The following MMS22L variants were observed in gnomAD, a reference collection of about 807,000 sequenced individuals.
MMS22L encodes protein MMS22-like.
In MMS22L, 74 loss-of-function variants were observed where a neutral mutation model predicts 159.1. That is an observed-to-expected ratio of 0.47 (90% CI 0.39 to 0.56). MMS22L has a LOEUF of 0.56. Ranked by LOEUF, MMS22L falls within the 20% of genes least tolerant of loss-of-function variation. The probability of loss-of-function intolerance (pLI) is 0.00; values close to 1 mark genes in which losing one functional copy is unlikely to be tolerated. For synonymous variants in MMS22L, 517 were observed against 506.9 expected, an observed-to-expected ratio of 1.02 and a Z score of -0.27; for missense variants, 1,351 against 1,422.1, an observed-to-expected ratio of 0.95 and a Z score of 0.80.
intron 9 of MMS22L, among the ~76,000 whole-genome samples, chr6:97,256,461 C>A (rs1813821068): frequency 2.0e-5 from 3 of 152,148 alleles, no homozygotes; most frequent in Non-Finnish European, 4.4e-5. Context: ...CATCACCATT[C>A]TTCTGCCTAA....
chr6:97,271,584 A>T (rs1469854010), intron 6 of MMS22L: 1 of 152,242 alleles, frequency 6.6e-6, no homozygotes, highest in Non-Finnish European at 1.5e-5. Context: ...AAATTCAGTT[A>T]GAACTTTGCT....
At chr6:97,157,354 T>C (rs745551535) in intron 22 of MMS22L, among the ~76,000 whole-genome samples, 11 of 152,158 alleles carry the variant, frequency 7.2e-5, no homozygotes, top group African/African-American at 9.7e-5. Context: ...TCCAACACTA[T>C]GTTGAAGAGG....
intron 24 of MMS22L, among the ~76,000 whole-genome samples, chr6:97,148,153 C>A (rs1406432821): frequency 6.6e-6 from 1 of 152,024 alleles, no homozygotes; most frequent in Non-Finnish European, 1.5e-5. Flanking sequence ...TAGTGTAATG[C>A]CTTACTCGTG....
intron 11 of MMS22L, among the ~76,000 whole-genome samples, chr6:97,241,976 T>C (rs944582996): frequency 1.3e-5 from 2 of 152,234 alleles, no homozygotes; most frequent in East Asian, 1.9e-4. Context: ...GAGTACTTGA[T>C]ATAATTTCAA....
chr6:97,214,552 C>T (rs1269627227), intron 14 of MMS22L, among the ~76,000 whole-genome samples: 1 of 152,060 alleles, frequency 6.6e-6, no homozygotes, highest in African/African-American at 2.4e-5. Flanking sequence ...TTAAAAAATC[C>T]ATCTACATTT....
At chr6:97,236,902 A>C in intron 11 of MMS22L, among the ~76,000 whole-genome samples, 1 of 151,864 alleles carries the variant, frequency 6.6e-6, no homozygotes, top group Non-Finnish European at 1.5e-5. Context: ...AGTGAGCCGA[A>C]ATAGCGCTAC....
chr6:97,158,517 T>C (rs1802091782), intron 22 of MMS22L, among the ~76,000 whole-genome samples: 1 of 152,210 alleles, frequency 6.6e-6, no homozygotes, highest in Non-Finnish European at 1.5e-5. Flanking sequence ...TATATCTTTG[T>C]TCTCACTGGT....
At chr6:97,201,114 A>T (rs539343257) in intron 14 of MMS22L, among the ~76,000 whole-genome samples, 1 of 152,292 alleles carries the variant, frequency 6.6e-6, no homozygotes, top group South Asian at 2.1e-4. Flanking sequence ...CCAAAATGTA[A>T]ACCTGCTTTC....
intron 14 of MMS22L, among the ~76,000 whole-genome samples, chr6:97,189,551 CAAAAAAAAAAAAAAAAAAA>C (rs67620002): frequency 3.6e-5 from 2 of 55,224 alleles, no homozygotes; most frequent in African/African-American, 1.5e-4. Context: ...ACTCTGTCTC[CAAAAAAAAAAAAAAAAAAA>C]AAAAAAAAAG....
chr6:97,251,899 C>G (rs1269197670), intron 10 of MMS22L, among the ~76,000 whole-genome samples: 1 of 151,968 alleles, frequency 6.6e-6, no homozygotes, highest in Non-Finnish European at 1.5e-5. Context: ...CTGTCTAACA[C>G]AGTGAAACCC....
At chr6:97,197,666 T>A (rs562481649) in intron 14 of MMS22L, among the ~76,000 whole-genome samples, 3 of 152,158 alleles carry the variant, frequency 2.0e-5, no homozygotes. Flanking sequence ...CAAAATGTTA[T>A]GTATTGAATT....
intron 14 of MMS22L, among the ~76,000 whole-genome samples, chr6:97,216,250 A>G (rs970784845): frequency 1.3e-5 from 2 of 152,186 alleles, no homozygotes; most frequent in South Asian, 2.1e-4. Flanking sequence ...AAGTATTTTA[A>G]AACTATAATG....
chr6:97,247,510 C>T (rs368985613), intron 10 of MMS22L, among the ~76,000 whole-genome samples: 8 of 152,046 alleles, frequency 5.3e-5, no homozygotes, highest in African/African-American at 9.7e-5. Context: ...AGGTGGATCA[C>T]GAGTTGGAAA....
chr6:97,255,606 T>C (rs1443212138), intron 9 of MMS22L, among the ~76,000 whole-genome samples: 1 of 152,120 alleles, frequency 6.6e-6, no homozygotes, highest in Non-Finnish European at 1.5e-5. Flanking sequence ...TGTATTTGCA[T>C]ATACAGTTAC....
At chr6:97,164,890 A>G (rs1273785405) in intron 21 of MMS22L, among the ~76,000 whole-genome samples, 1 of 152,100 alleles carries the variant, frequency 6.6e-6, no homozygotes, top group Non-Finnish European at 1.5e-5. Context: ...AAGGGCTGGG[A>G]TTATAGGTGT....
At position 97,146,390 on chromosome 6, in the gene MMS22L, A is replaced by T. The variant is rs1017278518; in HGVS notation, c.*416T>A. Reference sequence around the variant, plus strand: ...ATAGGGTAGCCAGGTACTTTGAAAAAGTATCATTTTAAAACATAACTATTA... The same window carrying T: ...ATAGGGTAGCCAGGTACTTTGAAAATGTATCATTTTAAAACATAACTATTA... On this transcript the variant is annotated 3_prime_UTR_variant, in exon 25 of 25. Transcript: ENST00000683635. 2.0e-5 allele frequency: 3 copies of T among 153,508 alleles called. No individual in the cohort carries two copies. Among genetic ancestry groups the T allele is most frequent in the African/African-American group, 4.8e-5 (2 of 41,474 alleles). 9.5% of individuals were successfully genotyped at this position (153,508 alleles called of 1,614,324 possible). A position where few individuals can be genotyped will look rare whatever the true frequency, so the allele number is the denominator to read the frequency against.
intron 20 of MMS22L, among the ~76,000 whole-genome samples, chr6:97,167,557 G>A (rs1041501296): frequency 1.3e-5 from 2 of 151,870 alleles, no homozygotes; most frequent in African/African-American, 4.8e-5. Context: ...AAATTCATCA[G>A]GTCCCCATGT....
chr6:97,252,447 C>G (rs1159103014), intron 10 of MMS22L, among the ~76,000 whole-genome samples: 2 of 151,862 alleles, frequency 1.3e-5, no homozygotes, highest in African/African-American at 4.8e-5. Flanking sequence ...GAGTTCGAAA[C>G]CAGCCTGGCC....
chr6:97,272,225 G>C (rs1165349588), intron 6 of MMS22L: 3 of 152,320 alleles, frequency 2.0e-5, no homozygotes, highest in Admixed American at 1.3e-4. Context: ...AAAGGGCACA[G>C]TCAAAACAAT....
Sources: gnomAD v4.1 joint callset for allele counts (sites outside exome capture counted in the v4.1 genomes callset) on GRCh38, gnomAD v4.1.1 for gene constraint, MANE v1.5 for transcripts, NCBI Gene and HGNC (gene_info 2026-07-23, HGNC 2026-07-21) for gene names.